The following SGK1 variants were observed in gnomAD, a reference collection of about 807,000 sequenced individuals.
SGK1 encodes serine/threonine-protein kinase Sgk1.
Under a neutral mutation model 64.2 loss-of-function variants are expected in SGK1, and 26 were observed. That is an observed-to-expected ratio of 0.40 (90% CI 0.30 to 0.56). The LOEUF (loss-of-function observed/expected upper bound fraction) is 0.56, where lower values mean the gene tolerates loss of function less well. Ranked by LOEUF, SGK1 falls within the 20% of genes least tolerant of loss-of-function variation. SGK1 has a pLI of 0.38. For missense variants in SGK1, 519 were observed against 645.6 expected (o/e 0.80, Z 2.12); for synonymous variants, 265 against 239.7 (o/e 1.11, Z -0.98).
intron 2 of SGK1, among the ~76,000 whole-genome samples, chr6:134,247,729 T>C (rs1776545363): frequency 6.6e-6 from 1 of 152,188 alleles, no homozygotes. Flanking sequence ...CAAGCTGGCC[T>C]TGCCATGAAA....
intron 1 of SGK1, among the ~76,000 whole-genome samples, chr6:134,291,994 C>T (rs9493886): frequency 0.12 from 17,315 of 150,342 alleles, 1,130 homozygotes; most frequent in African/African-American, 0.17. Flanking sequence ...ACCCAGGAGG[C>T]GGAGGTTACA....
chr6:134,294,367 G>A (rs1777309453), intron 1 of SGK1, among the ~76,000 whole-genome samples: 1 of 152,118 alleles, frequency 6.6e-6, no homozygotes, highest in African/African-American at 2.4e-5. Context: ...CCAAACTGAA[G>A]CTCCATACCC....
intron 2 of SGK1, among the ~76,000 whole-genome samples, chr6:134,213,760 T>C (rs1471819534): frequency 2.6e-5 from 4 of 151,990 alleles, no homozygotes; most frequent in Admixed American, 2.6e-4. Context: ...GGCTCTTTGG[T>C]TCTTTCTTTC....
chr6:134,210,552 G>A (rs1484453401), intron 2 of SGK1, among the ~76,000 whole-genome samples: 1 of 152,058 alleles, frequency 6.6e-6, no homozygotes, highest in East Asian at 1.9e-4. Context: ...AAGGCCAGGT[G>A]CAGTGGCTCA....
chr6:134,202,957 T>A, intron 3 of SGK1, among the ~76,000 whole-genome samples: 1 of 152,126 alleles, frequency 6.6e-6, no homozygotes, highest in East Asian at 1.9e-4. Context: ...AAGTCATTTA[T>A]TCTCAGCTGG....
In SGK1 at chr6:134,301,531, T is replaced by TCTTCTCTTCTCTTC. The variant is rs1777454108; in HGVS notation, c.69+15860_69+15861insGAAGAGAAGAGAAG. ...CTTTTCTTCTCTTCTCTTTTCTCTTTTCTTCTCTTCTCTTCTCTTCTCTTC... is the reference window on the plus strand; with the variant it reads ...CTTTTCTTCTCTTCTCTTTTCTCTTTCTTCTCTTCTCTTCTCTTCTCTTCTCTTCTCTTCTCTTC... On this transcript the variant is annotated intron_variant, in intron 1 of 13. Coordinates refer to ENST00000367858, the MANE Select transcript of SGK1 (RefSeq NM_001143676.3). 3.6e-5 allele frequency among the ~76,000 whole-genome samples: 5 copies of TCTTCTCTTCTCTTC among 139,012 alleles called. No individual in the cohort carries two copies. In the South Asian group the frequency reaches 7.1e-4, roughly 20 times the overall value. The allele number at this position is 139,012 out of a possible 152,430, so 91.2% of individuals were successfully genotyped here. A position where few individuals can be genotyped will look rare whatever the true frequency, so the allele number is the denominator to read the frequency against.
chr6:134,298,448 G>T (rs1777395704), intron 1 of SGK1: 2 of 869,310 alleles, frequency 2.3e-6, no homozygotes, highest in Non-Finnish European at 4.0e-6. Context: ...AGGCCTGGAT[G>T]TTGGGATCCA....
intron 3 of SGK1, among the ~76,000 whole-genome samples, chr6:134,206,499 T>C (rs1490918110): frequency 6.7e-6 from 1 of 148,380 alleles, no homozygotes; most frequent in Non-Finnish European, 1.5e-5. Context: ...ATCACACTTA[T>C]AAACGACAAA....
intron 9 of SGK1, 49 bp from the exon 10 acceptor site, chr6:134,172,365 A>G (rs375679330): frequency 6.4e-7 from 1 of 1,555,432 alleles, no homozygotes; most frequent in African/African-American, 1.4e-5. Context: ...ATTTCACTTC[A>G]TAAGATATCC....
intron 3 of SGK1, among the ~76,000 whole-genome samples, chr6:134,202,060 AAAAAAT>A (rs569466866): frequency 3.0e-4 from 46 of 152,308 alleles, no homozygotes; most frequent in African/African-American, 7.9e-4. Flanking sequence ...TCAAACTGAT[AAAAAAT>A]AAAAATAAAA....
chr6:134,219,856 G>A (rs1383290288), intron 2 of SGK1, among the ~76,000 whole-genome samples: 3 of 146,328 alleles, frequency 2.1e-5, no homozygotes, highest in Non-Finnish European at 4.5e-5. Flanking sequence ...TCAGGAGATC[G>A]AGACCATCCC....
intron 2 of SGK1, among the ~76,000 whole-genome samples, chr6:134,256,490 C>G (rs909875471): frequency 1.3e-5 from 2 of 152,152 alleles, no homozygotes; most frequent in Non-Finnish European, 2.9e-5. Context: ...ATTTCCTTCT[C>G]CACCTCCACT....
intron 3 of SGK1, chr6:134,177,563 C>T: frequency 1.2e-6 from 1 of 849,018 alleles, no homozygotes; most frequent in South Asian, 1.6e-5. Context: ...AACCTACAAC[C>T]AGAGACCCTC....
chr6:134,206,338 GATATATATATATATATATATATAT>G lies in SGK1; in HGVS notation c.361+994_361+1017del, dbSNP rs71003676. On this transcript the variant is annotated intron_variant, in intron 3 of 13. Transcript: ENST00000367858. ...CACAATCCACAAAGCTGTACCTGAT[GATATATATATATATATATATATAT>G]ATATATATATATATATATATATTTT... Among the ~76,000 whole-genome samples, 20 of 32,754 alleles carry G rather than the reference GATATATATATATATATATATATAT, an allele frequency of 6.1e-4. 1 individual carries two copies. Among genetic ancestry groups the G allele is most frequent in the African/African-American group, 9.3e-4 (11 of 11,834 alleles). The allele number at this position is 32,754 out of a possible 152,430, so 21.5% of individuals were successfully genotyped here.
At chr6:134,309,535 T>C (rs917929467) in intron 1 of SGK1, among the ~76,000 whole-genome samples, 2 of 152,222 alleles carry the variant, frequency 1.3e-5, no homozygotes, top group African/African-American at 2.4e-5. Flanking sequence ...TGTCCTCATT[T>C]CTGGGCCAGA....
At chr6:134,266,985 T>C (rs1003298999) in intron 1 of SGK1, among the ~76,000 whole-genome samples, 1 of 152,140 alleles carries the variant, frequency 6.6e-6, no homozygotes, top group African/African-American at 2.4e-5. Context: ...ACTTTCAATG[T>C]CTCTTTTGCC....
At chr6:134,248,095 A>G (rs1776552236) in intron 2 of SGK1, among the ~76,000 whole-genome samples, 1 of 152,056 alleles carries the variant, frequency 6.6e-6, no homozygotes, top group Non-Finnish European at 1.5e-5. Flanking sequence ...TCAGAAAAAA[A>G]CACTTGTTCA....
intron 2 of SGK1, chr6:134,256,938 C>T (rs1341976909): frequency 6.6e-6 from 1 of 152,212 alleles, no homozygotes; most frequent in Non-Finnish European, 1.5e-5. Context: ...TGCAATGTAA[C>T]TCTTAGCAAT....
chr6:134,195,458 C>A (rs1350493969), intron 3 of SGK1, among the ~76,000 whole-genome samples: 1 of 152,190 alleles, frequency 6.6e-6, no homozygotes, highest in Non-Finnish European at 1.5e-5. Flanking sequence ...CACATTCACA[C>A]ATTTGGCACT....
Sources: gnomAD v4.1 joint callset for allele counts (sites outside exome capture counted in the v4.1 genomes callset) on GRCh38, gnomAD v4.1.1 for gene constraint, MANE v1.5 for transcripts, NCBI Gene and HGNC (gene_info 2026-07-23, HGNC 2026-07-21) for gene names.